The following KCNIP4 variants were observed in gnomAD, a reference collection of about 807,000 sequenced individuals.
The protein encoded by KCNIP4 is potassium voltage-gated channel interacting protein 4.
KCNIP4 carries 12 observed loss-of-function variants against 34.0 expected under a neutral mutation model. That is an observed-to-expected ratio of 0.35 (90% CI 0.23 to 0.57). KCNIP4 has a LOEUF of 0.57. KCNIP4 is among the 20% of genes least tolerant of loss of function. The pLI is 0.83. For synonymous variants in KCNIP4, 124 were observed against 102.2 expected, an observed-to-expected ratio of 1.21 and a Z score of -1.29; for missense variants, 238 against 311.7, an observed-to-expected ratio of 0.76 and a Z score of 1.78.
At chr4:21,357,834 A>G (rs1218194152) in intron 1 of KCNIP4, among the ~76,000 whole-genome samples, 1 of 152,200 alleles carries the variant, frequency 6.6e-6, no homozygotes. Flanking sequence ...TACCCAAAGG[A>G]TTATAAATTA....
intron 1 of KCNIP4, among the ~76,000 whole-genome samples, chr4:20,923,486 G>A (rs1005016996): frequency 6.6e-6 from 1 of 152,014 alleles, no homozygotes; most frequent in African/African-American, 2.4e-5. Context: ...CACCTATATA[G>A]ATGCAACACA....
chr4:21,500,780 A>G (rs1733258513), intron 1 of KCNIP4, among the ~76,000 whole-genome samples: 1 of 152,152 alleles, frequency 6.6e-6, no homozygotes, highest in African/African-American at 2.4e-5. Flanking sequence ...GAGCTTGTCA[A>G]AGTAAAACCT....
chr4:21,002,441 T>C (rs932827994), intron 1 of KCNIP4, among the ~76,000 whole-genome samples: 4 of 152,224 alleles, frequency 2.6e-5, no homozygotes, highest in African/African-American at 9.6e-5. Context: ...CTCCATTCAC[T>C]GGCAGTGCTG....
At chr4:21,688,527 T>C (rs918994398) in intron 1 of KCNIP4, among the ~76,000 whole-genome samples, 1 of 152,132 alleles carries the variant, frequency 6.6e-6, no homozygotes, top group African/African-American at 2.4e-5. Flanking sequence ...CTGAACAATA[T>C]GGGACAGACA....
chr4:21,413,215 C>A (rs748639390), intron 1 of KCNIP4, among the ~76,000 whole-genome samples: 1 of 152,034 alleles, frequency 6.6e-6, no homozygotes, highest in South Asian at 2.1e-4. Context: ...AGATGTGAGA[C>A]GTGGTACTGA....
At chr4:21,395,631 A>C (rs1722918838) in intron 1 of KCNIP4, among the ~76,000 whole-genome samples, 1 of 152,146 alleles carries the variant, frequency 6.6e-6, no homozygotes, top group Admixed American at 6.6e-5. Flanking sequence ...TCCCTGACAC[A>C]CATAAACCAT....
chr4:20,963,835 C>A (rs1734091913), intron 1 of KCNIP4, among the ~76,000 whole-genome samples: 1 of 151,792 alleles, frequency 6.6e-6, no homozygotes, highest in Admixed American at 6.6e-5. Context: ...AGTAGAGGGG[C>A]AAGTTGATTC....
intron 1 of KCNIP4, among the ~76,000 whole-genome samples, chr4:21,139,384 C>T (rs6814506): frequency 0.53 from 80,347 of 152,032 alleles, 21,821 homozygotes; most frequent in African/African-American, 0.64. Context: ...GGAAGAATGC[C>T]AACATGTTTT....
intron 1 of KCNIP4, among the ~76,000 whole-genome samples, chr4:20,984,913 TA>T (rs1736435379): frequency 6.9e-6 from 1 of 144,784 alleles, no homozygotes; most frequent in African/African-American, 2.9e-5. Context: ...TGTGTGTTAT[TA>T]AGAAGCCCAG....
intron 1 of KCNIP4, among the ~76,000 whole-genome samples, chr4:21,682,158 G>A (rs189853447): frequency 2.6e-5 from 4 of 152,178 alleles, no homozygotes; most frequent in East Asian, 1.9e-4. Context: ...CTTCCAAAGC[G>A]CTGAGATTAC....
At chr4:20,952,173 C>A (rs6448003) in intron 1 of KCNIP4, among the ~76,000 whole-genome samples, 126,458 of 152,116 alleles carry the variant, frequency 0.83, 52,822 homozygotes, top group African/African-American at 0.9. Context: ...ATAAAACTTG[C>A]AGTACAAGAG....
chr4:21,233,609 G>C (rs1433689436), intron 1 of KCNIP4, among the ~76,000 whole-genome samples: 1 of 151,442 alleles, frequency 6.6e-6, no homozygotes, highest in Non-Finnish European at 1.5e-5. Context: ...AGAAAGATAA[G>C]GCTTGAAGCA....
intron 1 of KCNIP4, among the ~76,000 whole-genome samples, chr4:21,245,951 G>A (rs1038186229): frequency 1.3e-5 from 2 of 152,136 alleles, no homozygotes; most frequent in Non-Finnish European, 2.9e-5. Context: ...ACCCGGAGGA[G>A]TTTTCTTAAT....
At chr4:21,681,875 T>C (rs1213850775) in intron 1 of KCNIP4, among the ~76,000 whole-genome samples, 1 of 116,840 alleles carries the variant, frequency 8.6e-6, no homozygotes, top group Non-Finnish European at 2.1e-5. Flanking sequence ...ATGCCACACT[T>C]TTTTTTTTAT....
intron 1 of KCNIP4, among the ~76,000 whole-genome samples, chr4:21,929,764 C>T (rs1729461680): frequency 6.6e-6 from 1 of 152,156 alleles, no homozygotes; most frequent in South Asian, 2.1e-4. Context: ...TTCTGCCCCA[C>T]TTAAATTGCT....
intron 1 of KCNIP4, among the ~76,000 whole-genome samples, chr4:21,700,811 A>G (rs1022072364): frequency 6.6e-6 from 1 of 152,096 alleles, no homozygotes; most frequent in African/African-American, 2.4e-5. Flanking sequence ...ATTCTTCTAC[A>G]TATGGTTATC....
intron 7 of KCNIP4, 133 bp downstream of exon 7, chr4:20,732,548 G>C: frequency 1.5e-6 from 1 of 667,462 alleles, no homozygotes; most frequent in Non-Finnish European, 2.7e-6. Flanking sequence ...TAAATTAATA[G>C]GATGCTAAAT....
intron 1 of KCNIP4, among the ~76,000 whole-genome samples, chr4:21,905,302 G>A (rs943951930): frequency 6.6e-6 from 1 of 152,154 alleles, no homozygotes; most frequent in African/African-American, 2.4e-5. Context: ...TGCTCAGGAA[G>A]CAGGCTGAGC....
At chr4:20,814,124 A>G (rs1716096941) in intron 3 of KCNIP4, among the ~76,000 whole-genome samples, 1 of 152,178 alleles carries the variant, frequency 6.6e-6, no homozygotes, top group African/African-American at 2.4e-5. Context: ...AGGGTCCCAC[A>G]GCGTCAGTGT....
Sources: allele counts gnomAD v4.1 joint callset (sites outside exome capture counted in the v4.1 genomes callset), GRCh38; gene constraint gnomAD v4.1.1; transcripts MANE v1.5; gene names NCBI Gene and HGNC (gene_info 2026-07-23, HGNC 2026-07-21).